N4BP2: variants seen among roughly 807,000 people sequenced by gnomAD.
N4BP2 encodes the protein NEDD4-binding protein 2.
A neutral mutation model predicts 152.8 loss-of-function variants in N4BP2; 91 were observed. The observed-to-expected ratio is 0.60, with a 90% CI of 0.50 to 0.71. The LOEUF (loss-of-function observed/expected upper bound fraction) is 0.71. Ranked by LOEUF, N4BP2 falls within the 30% of genes least tolerant of loss-of-function variation. N4BP2 has a pLI of 0.00. For synonymous variants in N4BP2, 646 were observed against 705.3 expected (o/e 0.92, Z 1.33); for missense variants, 1,923 against 2,059.1 (o/e 0.93, Z 1.28).
At chr4:40,095,375 C>G (rs1715017332) in intron 2 of N4BP2, among the ~76,000 whole-genome samples, 1 of 152,208 alleles carries the variant, frequency 6.6e-6, no homozygotes, top group African/African-American at 2.4e-5. Flanking sequence ...GCCATAACGC[C>G]CAGCCCGCTA....
chr4:40,161,489 T>G (rs768238569), downstream of N4BP2, among the ~76,000 whole-genome samples: 12 of 152,262 alleles, frequency 7.9e-5, no homozygotes, highest in Admixed American at 2.6e-4. Flanking sequence ...TGGGTACTGG[T>G]TCAGCAGAAA....
At chr4:40,087,676 C>T (rs955485446) in intron 2 of N4BP2, among the ~76,000 whole-genome samples, 4 of 152,034 alleles carry the variant, frequency 2.6e-5, no homozygotes, top group Non-Finnish European at 4.4e-5. Context: ...ACGTGCACCC[C>T]GCCCCCTCCG....
chr4:40,146,206 GA>G (rs1560643671), intron 16 of N4BP2, among the ~76,000 whole-genome samples: 1 of 151,804 alleles, frequency 6.6e-6, no homozygotes, highest in Non-Finnish European at 1.5e-5. Flanking sequence ...AATAAAATAA[GA>G]AAATACAAGT....
At chr4:40,173,714 CTG>C in the N4BP2 span, among the ~76,000 whole-genome samples, 4 of 152,326 alleles carry the variant, frequency 2.6e-5, no homozygotes, top group East Asian at 7.7e-4. Context: ...CAAAGTCAAA[CTG>C]TGTTCTCACT....
downstream of N4BP2, among the ~76,000 whole-genome samples, chr4:40,158,716 T>C (rs1039706574): frequency 6.6e-6 from 1 of 151,604 alleles, no homozygotes; most frequent in African/African-American, 2.4e-5. Context: ...GAGGTTGCGA[T>C]GAGGCGAGAT....
Position 40,113,525 on chromosome 4 carries a change from A to G in N4BP2, c.1664+17A>G. 1 of 1,577,678 alleles carries G rather than the reference A, an allele frequency of 6.3e-7. No homozygotes were observed. Among genetic ancestry groups the G allele is most frequent in the East Asian group, 2.2e-5 (1 of 44,608 alleles). ...ACTTGCAAGGTAAAACTTGGAGGCT[A>G]CCTAACATGCTTTTTATGTAACGAC... On this transcript the variant is annotated intron_variant, in intron 7 of 17. Transcript: ENST00000261435.
chr4:40,166,275 G>T, the N4BP2 span, among the ~76,000 whole-genome samples: 4 of 152,210 alleles, frequency 2.6e-5, no homozygotes, highest in African/African-American at 9.7e-5. Context: ...AAACTGAACA[G>T]CAGGCTATCT....
At position 40,117,947 on chromosome 4, in the gene N4BP2, A is replaced by G; in HGVS notation, c.1743A>G (p.Ile581Met). Residue 581 changes from isoleucine to methionine, a missense_variant, in exon 8 of 18, where the codon ATA becomes ATG. Physicochemically the swap from Ile to Met is conservative, Grantham distance 10. Transcript: ENST00000261435. The part of the protein sequence containing the change: ...EHYQRFVSVP[I>M]IMSSSVPEKI... Reference sequence around the variant, plus strand: ...ATCAACGTTTTGTTTCAGTGCCAATAATTATGAGTTCTTCGGTTCCAGAGA... The same window carrying G: ...ATCAACGTTTTGTTTCAGTGCCAATGATTATGAGTTCTTCGGTTCCAGAGA... 6.2e-7 allele frequency: 1 copy of G among 1,612,934 alleles called. No homozygotes were observed. The highest frequency in any genetic ancestry group is 8.5e-7 in the Non-Finnish European group (1 of 1,179,408).
intron 1 of N4BP2, among the ~76,000 whole-genome samples, chr4:40,065,104 G>A (rs1733940509): frequency 6.6e-6 from 1 of 152,126 alleles, no homozygotes; most frequent in Non-Finnish European, 1.5e-5. Context: ...AATGTATAAG[G>A]CACAGAGCTG....
chr4:40,064,200 G>A (rs146502340), intron 1 of N4BP2, among the ~76,000 whole-genome samples: 1 of 152,152 alleles, frequency 6.6e-6, no homozygotes, highest in Non-Finnish European at 1.5e-5. Context: ...GTGTATTCCA[G>A]GTACGAAAAT....
At position 40,120,689 on chromosome 4, in the gene N4BP2, T is replaced by G; in HGVS notation, c.2578T>G (p.Ser860Ala). Reference protein sequence around the residue: ...DGRKSQCDDASEPLNSYKYDA... With the variant: ...DGRKSQCDDAAEPLNSYKYDA... The stretch of plus-strand genomic sequence containing the variant: ...CAGAAAGTCACAGTGTGATGATGCT[T>G]CAGAGCCACTCAATAGCTATAAATA... The change falls in exon 9 of 18, where the codon TCA becomes GCA. Residue 860 changes from serine (S) to alanine (A), a missense_variant. Physicochemically the swap from Ser to Ala is moderately conservative, Grantham distance 99 (BLOSUM62 1). Coordinates refer to ENST00000261435, the MANE Select transcript of N4BP2 (RefSeq NM_018177.6). 1.9e-6 allele frequency: 3 copies of G among 1,614,116 alleles called. No homozygotes were observed. The highest frequency in any genetic ancestry group is 1.7e-6 in the Non-Finnish European group (2 of 1,180,012).
intron 1 of N4BP2, among the ~76,000 whole-genome samples, chr4:40,071,386 G>A (rs1278154679): frequency 6.6e-6 from 1 of 152,108 alleles, no homozygotes; most frequent in East Asian, 1.9e-4. Flanking sequence ...GTAATGCTGT[G>A]TACTTCCTAC....
Position 40,142,726 on chromosome 4 carries a change from C to T in N4BP2, c.4839C>T (p.Asp1613=). ...EETPSELSFQ[D]FEYPDYDDYR... is the part of the protein sequence containing the mutation. ...CACCAAGTGAACTGTCTTTCCAGGA[C>T]TTTGAGTACCCAGACTATGATGACT... Residue 1613 remains aspartate, a synonymous_variant, in exon 15 of 18, where the codon GAC becomes GAT. Transcript: ENST00000261435. 1 of 1,613,830 alleles carries T rather than the reference C, an allele frequency of 6.2e-7. No individual in the cohort carries two copies. The highest frequency in any genetic ancestry group is 8.5e-7 in the Non-Finnish European group (1 of 1,179,870).
chr4:40,100,074 G>A (rs953862418), intron 3 of N4BP2: 1 of 455,872 alleles, frequency 2.2e-6, no homozygotes, highest in Non-Finnish European at 4.4e-6. Context: ...CAGTTCTTGT[G>A]CACAGCACTT....
intron 8 of N4BP2, among the ~76,000 whole-genome samples, chr4:40,118,421 A>G (rs1717554276): frequency 6.6e-6 from 1 of 151,960 alleles, no homozygotes; most frequent in African/African-American, 2.4e-5. Flanking sequence ...AACAAGAGCA[A>G]AACTCCATTT....
the N4BP2 span, among the ~76,000 whole-genome samples, chr4:40,188,528 T>C: frequency 6.6e-6 from 1 of 152,048 alleles, no homozygotes. Context: ...GCGGATCCCT[T>C]GAGCCCAGGA....
the N4BP2 span, among the ~76,000 whole-genome samples, chr4:40,189,570 C>T: frequency 6.0e-4 from 91 of 152,186 alleles, no homozygotes; most frequent in African/African-American, 2.0e-3. The surrounding 1 kb of genome is among the most constrained non-coding windows in gnomAD (Gnocchi z 4.3). Flanking sequence ...ATTAAACCTA[C>T]GGATTTACGC....
In N4BP2 at chr4:40,097,510, T is replaced by C. The variant is rs757600421; in HGVS notation, c.170T>C (p.Ile57Thr). 6.2e-7 allele frequency: 1 copy of C among 1,613,920 alleles called. No homozygotes were observed. Among genetic ancestry groups the C allele is most frequent in the Non-Finnish European group, 8.5e-7 (1 of 1,179,836 alleles). The change falls in exon 3 of 18, where the codon ATA (isoleucine) becomes ACA (threonine). Residue 57 changes from isoleucine (I) to threonine (T), a missense_variant. By Grantham distance (89) the Ile-to-Thr change is moderately conservative. Transcript: ENST00000261435. ...GAACTCTTCACCAGTATCTCAGAGA[T>C]ATTTTCTGATCTGGATCCTGATGTA... Reference protein sequence around the residue: ...QEELFTSISEIFSDLDPDVVY... With the variant: ...QEELFTSISETFSDLDPDVVY...
At chr4:40,152,193 G>A (rs139003019) in intron 16 of N4BP2, among the ~76,000 whole-genome samples, 2 of 152,292 alleles carry the variant, frequency 1.3e-5, no homozygotes, top group African/African-American at 4.8e-5. Context: ...TAGTGGATTT[G>A]CTAATAGCTA....
Sources: allele counts gnomAD v4.1 joint callset (sites outside exome capture counted in the v4.1 genomes callset), GRCh38; gene constraint gnomAD v4.1.1; non-coding constraint Gnocchi (gnomAD v3.1); transcripts MANE v1.5; gene names NCBI Gene and HGNC (gene_info 2026-07-23, HGNC 2026-07-21).